SDCCAG8: variants seen among roughly 807,000 people sequenced by gnomAD.
SDCCAG8 encodes the protein SHH signaling and ciliogenesis regulator SDCCAG8.
SDCCAG8 carries 74 observed loss-of-function variants against 101.8 expected under a neutral mutation model. The observed-to-expected ratio is 0.73, with a 90% CI of 0.60 to 0.88. The LOEUF is 0.88. SDCCAG8 is among the 40% of genes least tolerant of loss of function. The pLI, the probability that SDCCAG8 is intolerant of heterozygous loss-of-function variation, is 0.00. For missense variants in SDCCAG8, 787 were observed against 822.6 expected, an observed-to-expected ratio of 0.96 and a Z score of 0.53; for synonymous variants, 281 against 292.9, an observed-to-expected ratio of 0.96 and a Z score of 0.41.
At chr1:243,377,142 A>C (rs184534069) in intron 12 of SDCCAG8, among the ~76,000 whole-genome samples, 1 of 152,226 alleles carries the variant, frequency 6.6e-6, no homozygotes, top group Admixed American at 6.5e-5. Context: ...ATTATTAACT[A>C]CTGAGTTTAG....
chr1:243,358,845 A>G (rs1195921511), intron 12 of SDCCAG8, among the ~76,000 whole-genome samples: 1 of 152,206 alleles, frequency 6.6e-6, no homozygotes, highest in African/African-American at 2.4e-5. Context: ...TGTTAGATGA[A>G]AGAAGCCAGT....
rs1248877236 is a variant in SDCCAG8, at chr1:243,303,926, A to T, written c.676-787A>T. Among the ~76,000 whole-genome samples, 4 of 152,160 alleles carry T rather than the reference A, an allele frequency of 2.6e-5. No individual in the cohort carries two copies. The East Asian group carries it at 7.7e-4, about 29-fold the overall frequency. On this transcript the variant is annotated intron_variant, in intron 6 of 17. Coordinates refer to ENST00000366541, the MANE Select transcript of SDCCAG8 (RefSeq NM_006642.5). ...CATCTCTACTAAAAATACAAAAATT[A>T]GCCGGGCGTGGTGGCACATGCCTGT...
At chr1:243,322,077 A>G (rs947304778) in intron 9 of SDCCAG8, among the ~76,000 whole-genome samples, 1 of 152,274 alleles carries the variant, frequency 6.6e-6, no homozygotes, top group African/African-American at 2.4e-5. Flanking sequence ...TGGTAGCTCT[A>G]TATTAAGTTC....
chr1:243,499,097 A>G (rs559159229), intron 17 of SDCCAG8, among the ~76,000 whole-genome samples: 4 of 152,326 alleles, frequency 2.6e-5, no homozygotes, highest in African/African-American at 9.6e-5. Context: ...CCATGGCAGC[A>G]GAGGCCAGGA....
Position 243,417,999 on chromosome 1 carries a change from G to T in SDCCAG8, c.1776G>T (p.Gln592His). The T allele has an allele frequency of 6.2e-7, 1 of 1,612,780 alleles. No individual in the cohort carries two copies. Among genetic ancestry groups the T allele is most frequent in the Non-Finnish European group, 8.5e-7 (1 of 1,179,044 alleles). The change falls in exon 15 of 18, where the codon CAG becomes CAT. Residue 592 changes from glutamine to histidine, a missense_variant. Coordinates refer to ENST00000366541, the MANE Select transcript of SDCCAG8 (RefSeq NM_006642.5). ...ENEQYLLLTSQNTFLTKLKEE... is the reference protein window; with the variant it reads ...ENEQYLLLTSHNTFLTKLKEE... The stretch of plus-strand genomic sequence containing the variant: ...AACAGTATTTGTTGCTGACCTCCCA[G>T]AATACATTTTTGACAAAGTTAAAGG...
At chr1:243,288,343 G>A (rs2069841780) in intron 5 of SDCCAG8, among the ~76,000 whole-genome samples, 1 of 151,906 alleles carries the variant, frequency 6.6e-6, no homozygotes, top group Non-Finnish European at 1.5e-5. Flanking sequence ...GCATGCTGAT[G>A]TACACCTGTG....
chr1:243,393,073 A>C (rs2147948576), intron 13 of SDCCAG8, among the ~76,000 whole-genome samples: 1 of 152,350 alleles, frequency 6.6e-6, no homozygotes. Flanking sequence ...AAAATCTGTG[A>C]GCAACAAAAC....
chr1:243,387,362 A>T (rs552904407), intron 13 of SDCCAG8, among the ~76,000 whole-genome samples: 1 of 152,048 alleles, frequency 6.6e-6, no homozygotes, highest in South Asian at 2.1e-4. Context: ...TAGAACTCGG[A>T]TTGCCCTAAG....
intron 15 of SDCCAG8, among the ~76,000 whole-genome samples, chr1:243,420,611 G>T (rs180840573): frequency 1.8e-4 from 27 of 152,192 alleles, no homozygotes; most frequent in Non-Finnish European, 3.8e-4. Flanking sequence ...CTCAACCAAG[G>T]CCTGGCAAGT....
rs1044556713 is a variant in SDCCAG8, at chr1:243,307,753, C to G, written c.741-236C>G. ...GATTCTAATCTATATTAAAATCTTA[C>G]AAGAACCTAAGCTAATTATGTAATT... On this transcript the variant is annotated intron_variant, in intron 7 of 17. Coordinates refer to ENST00000366541, the MANE Select transcript of SDCCAG8 (RefSeq NM_006642.5). 2.8e-5 allele frequency: 39 copies of G among 1,415,044 alleles called. No individual in the cohort carries two copies. In the African/African-American group the frequency reaches 3.2e-4, roughly 12 times the overall value. The allele number at this position is 1,415,044 out of a possible 1,614,324, so 87.7% of individuals were successfully genotyped here. A position where few individuals can be genotyped will look rare whatever the true frequency, so the allele number is the denominator to read the frequency against.
chr1:243,332,187 G>T (rs2074655577), intron 10 of SDCCAG8, among the ~76,000 whole-genome samples: 1 of 152,316 alleles, frequency 6.6e-6, no homozygotes, highest in East Asian at 1.9e-4. Context: ...CATAGAGAGA[G>T]AGGAGCAGAG....
intron 13 of SDCCAG8, among the ~76,000 whole-genome samples, chr1:243,401,600 C>G (rs2079400863): frequency 6.6e-6 from 1 of 152,162 alleles, no homozygotes; most frequent in South Asian, 2.1e-4. Flanking sequence ...GTCTGTGACC[C>G]AGGTACATAA....
In SDCCAG8 at chr1:243,267,583, C is replaced by CA. The variant is rs1283974123; in HGVS notation, c.68-2520dup. On this transcript the variant is annotated intron_variant, in intron 1 of 17. Transcript: ENST00000366541. ...CGCCATCGCACTCCAGCCTGGGCGA[C>CA]AAGAGCCAAACTCCCTCTCAAGAAA... 11 of 505,444 alleles carry CA rather than the reference C, an allele frequency of 2.2e-5. No individual in the cohort carries two copies. In the East Asian group the frequency reaches 4.5e-4, roughly 21 times the overall value. 31.3% of individuals were successfully genotyped at this position (505,444 alleles called of 1,614,324 possible).
intron 12 of SDCCAG8, among the ~76,000 whole-genome samples, chr1:243,372,508 C>A (rs2077350534): frequency 6.6e-6 from 1 of 151,938 alleles, no homozygotes; most frequent in Non-Finnish European, 1.5e-5. Context: ...GTTTTGCATT[C>A]ATTTCTTTGG....
Position 243,271,042 on chromosome 1 carries a change from A to G in SDCCAG8, c.285A>G (p.Arg95=), listed in dbSNP as rs767084355. 1.2e-6 allele frequency: 2 copies of G among 1,612,464 alleles called. No homozygotes were observed. The highest frequency in any genetic ancestry group is 2.7e-5 in the African/African-American group (2 of 74,886). Residue 95 remains arginine (R), a synonymous_variant, in exon 3 of 18, where the codon AGA becomes AGG. Transcript: ENST00000366541. ...ADKESEVSPS[R]RRKMSPLRSL... is the part of the protein sequence containing the mutation. Reference sequence around the variant, plus strand: ...AGGAAAGTGAAGTATCTCCGTCAAGAAGAAGAAAAATGTCCCCCTTGGTAA... The same window carrying G: ...AGGAAAGTGAAGTATCTCCGTCAAGGAGAAGAAAAATGTCCCCCTTGGTAA...
chr1:243,341,331 C>T (rs2075371339), intron 11 of SDCCAG8, among the ~76,000 whole-genome samples, 158 bp downstream of exon 11: 1 of 152,230 alleles, frequency 6.6e-6, no homozygotes, highest in Non-Finnish European at 1.5e-5. Flanking sequence ...AATGGTTACT[C>T]AGCAAACATT....
chr1:243,332,756 T>TATC (rs2074712178), intron 10 of SDCCAG8, among the ~76,000 whole-genome samples: 2 of 145,894 alleles, frequency 1.4e-5, no homozygotes, highest in Non-Finnish European at 3.0e-5. Flanking sequence ...AGGTGATTAT[T>TATC]GTGGTCCGGG....
chr1:243,495,515 C>T (rs1667604927), intron 17 of SDCCAG8, among the ~76,000 whole-genome samples: 1 of 152,212 alleles, frequency 6.6e-6, no homozygotes, highest in Non-Finnish European at 1.5e-5. Context: ...CTGCGATGGC[C>T]TTAACCGTGA....
chr1:243,311,740 C>T (rs1388674983), intron 8 of SDCCAG8, among the ~76,000 whole-genome samples: 1 of 150,214 alleles, frequency 6.7e-6, no homozygotes, highest in Non-Finnish European at 1.5e-5. Context: ...CATAGGGAAA[C>T]CCTGTCTCTA....
Sources: allele counts gnomAD v4.1 joint callset (sites outside exome capture counted in the v4.1 genomes callset), GRCh38; gene constraint gnomAD v4.1.1; transcripts MANE v1.5; gene names NCBI Gene and HGNC (gene_info 2026-07-23, HGNC 2026-07-21).